The following DNAJC24 variants were observed in gnomAD, a reference collection of about 807,000 sequenced individuals.
DNAJC24 encodes the protein dnaJ homolog subfamily C member 24.
DNAJC24 carries 17 observed loss-of-function variants against 18.0 expected under a neutral mutation model. The observed-to-expected ratio is 0.94, with a 90% confidence interval of 0.65 to 1.42. DNAJC24 has a LOEUF of 1.42. Among genes scored for constraint, DNAJC24 ranks in the 40% most tolerant of loss-of-function variants. The probability of loss-of-function intolerance (pLI) is 0.00; values close to 1 mark genes in which losing one functional copy is unlikely to be tolerated. For synonymous variants in DNAJC24, 55 were observed against 57.7 expected, an observed-to-expected ratio of 0.95 and a Z score of 0.21; for missense variants, 158 against 175.6, an observed-to-expected ratio of 0.90 and a Z score of 0.57.
At position 31,386,915 on chromosome 11, in the gene DNAJC24, T is replaced by G. The variant is rs138992457; in HGVS notation, c.111+16056T>G. Among the ~76,000 whole-genome samples, 901 of 152,236 alleles carry G rather than the reference T, an allele frequency of 5.9e-3. 6 individuals carry two copies. The highest frequency in any genetic ancestry group is 0.021 in the African/African-American group (860 of 41,562). ...CTGGCAGCATTCACCCCAAGCTGAC[T>G]GAAGAGTCTGTAGGCTTTGAGTGAA... On this transcript the variant is annotated intron_variant, in intron 2 of 4. Transcript: ENST00000465995.
At chr11:31,406,073 C>T (rs1251467841) in intron 2 of DNAJC24, among the ~76,000 whole-genome samples, 3 of 152,106 alleles carry the variant, frequency 2.0e-5, no homozygotes, top group African/African-American at 7.2e-5. Flanking sequence ...ATTGGGCACA[C>T]GTTCAAATCA....
intron 3 of DNAJC24, chr11:31,416,555 C>T (rs1238864178): frequency 2.6e-5 from 4 of 152,058 alleles, no homozygotes; most frequent in East Asian, 1.9e-4. Context: ...ATAATTCACA[C>T]GACATTGTAC....
At chr11:31,379,796 C>T (rs1410978436) in intron 2 of DNAJC24, among the ~76,000 whole-genome samples, 12 of 151,864 alleles carry the variant, frequency 7.9e-5, no homozygotes, top group African/African-American at 2.9e-4. Context: ...CTCACCCTGT[C>T]GTCCAGGCTG....
chr11:31,393,386 A>C (rs1434927687), intron 2 of DNAJC24, among the ~76,000 whole-genome samples: 1 of 152,196 alleles, frequency 6.6e-6, no homozygotes, highest in Non-Finnish European at 1.5e-5. Flanking sequence ...AAAAGCAGGC[A>C]AGGTGTGCTG....
At chr11:31,397,167 T>G (rs1229491214) in intron 2 of DNAJC24, among the ~76,000 whole-genome samples, 1 of 152,212 alleles carries the variant, frequency 6.6e-6, no homozygotes, top group African/African-American at 2.4e-5. Flanking sequence ...CACTAGACTG[T>G]GAGTCCCTCA....
At chr11:31,405,900 A>G (rs899296327) in intron 2 of DNAJC24, among the ~76,000 whole-genome samples, 6 of 152,218 alleles carry the variant, frequency 3.9e-5, no homozygotes, top group Non-Finnish European at 7.4e-5. Context: ...CGCCTGCTAC[A>G]TAGGCAAAAG....
chr11:31,393,924 G>GTTAC (rs2133480338), intron 2 of DNAJC24, among the ~76,000 whole-genome samples: 1 of 151,514 alleles, frequency 6.6e-6, no homozygotes, highest in Non-Finnish European at 1.5e-5. Context: ...GAAATGTAGG[G>GTTAC]TTACATTCCT....
At chr11:31,390,395 CAAAAAAAAA>C (rs370680501) in intron 2 of DNAJC24, among the ~76,000 whole-genome samples, 100 of 48,572 alleles carry the variant, frequency 2.1e-3, no homozygotes, top group African/African-American at 8.2e-3. Context: ...GACTCTATCT[CAAAAAAAAA>C]AAAAAAAAAA....
At chr11:31,388,102 A>G (rs1952448487) in intron 2 of DNAJC24, among the ~76,000 whole-genome samples, 1 of 152,164 alleles carries the variant, frequency 6.6e-6, no homozygotes, top group Non-Finnish European at 1.5e-5. Context: ...AGAAGGAAGC[A>G]TGCCTACAAG....
In DNAJC24 at chr11:31,373,108, A is replaced by C. The variant is rs577421106; in HGVS notation, c.111+2249A>C. 3.4e-4 allele frequency among the ~76,000 whole-genome samples: 46 copies of C among 134,264 alleles called. 3 individuals are homozygous for C. Among genetic ancestry groups the C allele is most frequent in the African/African-American group, 1.0e-3 (40 of 40,188 alleles). The allele number at this position is 134,264 out of a possible 152,430, so 88.1% of individuals were successfully genotyped here. Reference sequence around the variant, plus strand: ...ATTCTTGATTCTGTATATATGTTGTATATATTTTCTCCTAGTCTGTGATTT... The same window carrying C: ...ATTCTTGATTCTGTATATATGTTGTCTATATTTTCTCCTAGTCTGTGATTT... On this transcript the variant is annotated intron_variant, in intron 2 of 4. Coordinates refer to ENST00000465995, the MANE Select transcript of DNAJC24 (RefSeq NM_181706.5).
intron 4 of DNAJC24, 31 bp downstream of exon 4, chr11:31,426,386 TAA>T (rs11304706): frequency 6.4e-5 from 73 of 1,140,322 alleles, no homozygotes; most frequent in South Asian, 2.3e-4. Context: ...TGACAACATT[TAA>T]AAAAAAAAGG....
At chr11:31,393,388 G>C (rs545740911) in intron 2 of DNAJC24, among the ~76,000 whole-genome samples, 22 of 152,264 alleles carry the variant, frequency 1.4e-4, no homozygotes, top group African/African-American at 5.3e-4. Flanking sequence ...AAGCAGGCAA[G>C]GTGTGCTGTG....
chr11:31,404,761 T>C (rs1406799113), intron 2 of DNAJC24, among the ~76,000 whole-genome samples: 1 of 152,192 alleles, frequency 6.6e-6, no homozygotes, highest in African/African-American at 2.4e-5. Context: ...ATGTGTATGC[T>C]GCTCTTTGAA....
intron 2 of DNAJC24, among the ~76,000 whole-genome samples, chr11:31,410,434 C>G (rs1024226892): frequency 2.6e-5 from 4 of 151,994 alleles, no homozygotes; most frequent in African/African-American, 9.7e-5. Flanking sequence ...GATACAAGTC[C>G]TTTGTTAGAA....
intron 2 of DNAJC24, among the ~76,000 whole-genome samples, chr11:31,390,815 A>G (rs903561740): frequency 2.0e-5 from 3 of 152,108 alleles, no homozygotes; most frequent in Non-Finnish European, 2.9e-5. Flanking sequence ...CAATCCTACT[A>G]CACTATTCTG....
At chr11:31,383,794 C>G (rs1952401735) in intron 2 of DNAJC24, among the ~76,000 whole-genome samples, 1 of 152,250 alleles carries the variant, frequency 6.6e-6, no homozygotes, top group Non-Finnish European at 1.5e-5. Context: ...AGCCTTTCGT[C>G]CTAATGTAAC....
At position 31,374,987 on chromosome 11, in the gene DNAJC24, C is replaced by T. The variant is rs1458678932; in HGVS notation, c.111+4128C>T. On this transcript the variant is annotated intron_variant, in intron 2 of 4. Transcript: ENST00000465995. ...TGCCTTTTTTTAAAAAATTATTATT[C>T]CTTTTCTGTTACTATCAAGGAATTT... 7.5e-5 allele frequency among the ~76,000 whole-genome samples: 10 copies of T among 133,408 alleles called. 2 individuals are homozygous for T. The highest frequency in any genetic ancestry group is 1.4e-4 in the Non-Finnish European group (8 of 57,914). The allele number at this position is 133,408 out of a possible 152,430, so 87.5% of individuals were successfully genotyped here. A position where few individuals can be genotyped will look rare whatever the true frequency, so the allele number is the denominator to read the frequency against.
chr11:31,417,325 A>G (rs1357268060), intron 3 of DNAJC24: 2 of 152,074 alleles, frequency 1.3e-5, no homozygotes, highest in Non-Finnish European at 1.5e-5. Flanking sequence ...CAATAAACCT[A>G]CTTTCATATT....
chr11:31,374,958 T>C (rs1266900665), intron 2 of DNAJC24, among the ~76,000 whole-genome samples: 1 of 135,088 alleles, frequency 7.4e-6, no homozygotes, highest in Non-Finnish European at 1.7e-5. Flanking sequence ...TTCTTACACA[T>C]TTATGCCTTT....
Sources: gnomAD v4.1 joint callset for allele counts (sites outside exome capture counted in the v4.1 genomes callset) on GRCh38, gnomAD v4.1.1 for gene constraint, MANE v1.5 for transcripts, NCBI Gene and HGNC (gene_info 2026-07-23, HGNC 2026-07-21) for gene names.